PROS1: variants seen among roughly 807,000 people sequenced by gnomAD.
PROS1 encodes protein S.
A neutral mutation model predicts 75.9 loss-of-function variants in PROS1; 29 were observed. The observed-to-expected ratio is 0.38, with a 90% CI of 0.28 to 0.52. PROS1 has a LOEUF of 0.52. Among genes scored for constraint, PROS1 ranks in the 20% least tolerant of loss-of-function variants. PROS1 has a pLI of 0.83. For missense variants in PROS1, 680 were observed against 810.3 expected (o/e 0.84, Z 1.95); for synonymous variants, 245 against 280.6 (o/e 0.87, Z 1.27).
chr3:93,970,043 C>A (rs1323102233), intron 1 of PROS1, among the ~76,000 whole-genome samples: 3 of 152,142 alleles, frequency 2.0e-5, no homozygotes, highest in Non-Finnish European at 2.9e-5. Flanking sequence ...CCAACTGTAA[C>A]CTAACCTTGA....
At chr3:93,953,326 C>T (rs561560529) in intron 1 of PROS1, among the ~76,000 whole-genome samples, 1 of 152,210 alleles carries the variant, frequency 6.6e-6, no homozygotes, top group Admixed American at 6.5e-5. Flanking sequence ...TGCAAAAATC[C>T]TCAATAAAAT....
chr3:93,930,678 G>C (rs1169049378), intron 1 of PROS1, among the ~76,000 whole-genome samples: 1 of 152,156 alleles, frequency 6.6e-6, no homozygotes, highest in Non-Finnish European at 1.5e-5. Flanking sequence ...AAATCACCCA[G>C]AATAGCCAAG....
intron 4 of PROS1, among the ~76,000 whole-genome samples, chr3:93,910,176 T>A (rs1449075210): frequency 6.6e-6 from 1 of 152,212 alleles, no homozygotes; most frequent in Non-Finnish European, 1.5e-5. Flanking sequence ...ATTAGGCCCC[T>A]TGTGAACTTC....
chr3:93,948,708 T>C (rs2107238910), intron 1 of PROS1, among the ~76,000 whole-genome samples: 1 of 152,344 alleles, frequency 6.6e-6, no homozygotes, highest in Non-Finnish European at 1.5e-5. Flanking sequence ...CTAAAGATTA[T>C]ATTTTAGTTC....
At chr3:93,899,447 A>G (rs1427949464) in intron 7 of PROS1, among the ~76,000 whole-genome samples, 1 of 152,174 alleles carries the variant, frequency 6.6e-6, no homozygotes, top group Non-Finnish European at 1.5e-5. Flanking sequence ...GCATATTATT[A>G]AAGTTATAGA....
At chr3:93,917,430 G>A (rs1405373975) in intron 3 of PROS1, among the ~76,000 whole-genome samples, 1 of 152,216 alleles carries the variant, frequency 6.6e-6, no homozygotes, top group Non-Finnish European at 1.5e-5. Flanking sequence ...CTCCCCAGTA[G>A]CTGTGAGAGG....
chr3:93,927,745 T>C (rs2107203638), intron 1 of PROS1, among the ~76,000 whole-genome samples: 1 of 150,880 alleles, frequency 6.6e-6, no homozygotes, highest in South Asian at 2.1e-4. Flanking sequence ...CTCACCTTCG[T>C]AATCCCAGCA....
At chr3:93,936,930 T>C (rs1403809043) in intron 1 of PROS1, among the ~76,000 whole-genome samples, 1 of 152,204 alleles carries the variant, frequency 6.6e-6, no homozygotes, top group Non-Finnish European at 1.5e-5. Context: ...TTAAAAAATA[T>C]ACAAATTGAC....
intron 14 of PROS1, among the ~76,000 whole-genome samples, chr3:93,875,021 C>A (rs2107120869): frequency 6.6e-6 from 1 of 152,070 alleles, no homozygotes. Context: ...AATGGATATT[C>A]TTTAGCCCTT....
intron 6 of PROS1, among the ~76,000 whole-genome samples, chr3:93,904,389 C>A (rs1708643401): frequency 6.6e-6 from 1 of 152,120 alleles, no homozygotes; most frequent in Non-Finnish European, 1.5e-5. Flanking sequence ...AAGAAAGATA[C>A]ATGATCACAA....
intron 1 of PROS1, among the ~76,000 whole-genome samples, chr3:93,928,960 A>G (rs1709066810): frequency 6.6e-6 from 1 of 152,200 alleles, no homozygotes; most frequent in African/African-American, 2.4e-5. Context: ...TATTGGTGAG[A>G]GTAAGGGAAA....
At chr3:93,965,414 G>T (rs1247937380) in intron 1 of PROS1, among the ~76,000 whole-genome samples, 1 of 152,196 alleles carries the variant, frequency 6.6e-6, no homozygotes, top group East Asian at 1.9e-4. Context: ...CATTGTTCCT[G>T]CATGGCTAAG....
In PROS1 at chr3:93,973,759, C is replaced by A. The variant is rs1411458425; in HGVS notation, c.-10G>T. 2 of 1,609,102 alleles carry A rather than the reference C, an allele frequency of 1.2e-6. No homozygotes were observed. The highest frequency in any genetic ancestry group is 1.7e-5 in the Admixed American group (1 of 59,486). ...CACCCAGGACCCTCATTTCGAAGCG[C>A]GCGGAGGCGCCGGCAGGGACGGTGG... On this transcript the variant is annotated 5_prime_UTR_variant, in exon 1 of 15. Transcript: ENST00000394236.
At chr3:93,956,955 A>G (rs1454387964) in intron 1 of PROS1, among the ~76,000 whole-genome samples, 2 of 152,200 alleles carry the variant, frequency 1.3e-5, no homozygotes, top group Non-Finnish European at 2.9e-5. Context: ...CACACTATAT[A>G]GACATTCAGC....
rs746799331 is a variant in PROS1 at position 93,893,108 on chromosome 3, A to T, written c.980T>A (p.Phe327Tyr). 58 of 1,612,808 alleles carry T rather than the reference A, an allele frequency of 3.6e-5. No homozygotes were observed. Among genetic ancestry groups the T allele is most frequent in the Non-Finnish European group, 4.7e-5 (56 of 1,179,208 alleles). ...LPEISRFSAEFDFRTYDSEGV... is the reference protein window; with the variant it reads ...LPEISRFSAEYDFRTYDSEGV... ...TTCTGAATCATATGTCCGGAAATCA[A>T]ATTCTGCTGAAAATCTAAACAATGG... The change falls in exon 10 of 15, where the codon TTT becomes TAT. Residue 327 changes from phenylalanine (F) to tyrosine (Y), a missense_variant. Phe to Tyr is a conservative substitution (Grantham distance 22). Coordinates refer to ENST00000394236, the MANE Select transcript of PROS1 (RefSeq NM_000313.4).
Position 93,896,524 on chromosome 3 carries a change from CT to C in PROS1, c.965+51del, listed in dbSNP as rs1251159481. ...TCAAACCTTTTCGGCCACTTTTCTTCTGCCCTTATCTGCTTAACCTCTAGAA... is the reference window on the plus strand; with the variant it reads ...TCAAACCTTTTCGGCCACTTTTCTTCGCCCTTATCTGCTTAACCTCTAGAA... On this transcript the variant is annotated intron_variant, in intron 9 of 14. Coordinates refer to ENST00000394236, the MANE Select transcript of PROS1 (RefSeq NM_000313.4). 2.2e-6 allele frequency: 3 copies of C among 1,359,204 alleles called. No homozygotes were observed. The African/African-American group carries it at 4.3e-5, about 20-fold the overall frequency. 84.2% of individuals were successfully genotyped at this position (1,359,204 alleles called of 1,614,324 possible).
chr3:93,920,880 G>A (rs527495089), intron 3 of PROS1, among the ~76,000 whole-genome samples: 2 of 151,922 alleles, frequency 1.3e-5, no homozygotes, highest in African/African-American at 4.8e-5. Context: ...ATTACCTTAT[G>A]CATTATTAAT....
At chr3:93,897,333 GC>G (rs1408063206) in intron 8 of PROS1, among the ~76,000 whole-genome samples, 1 of 150,832 alleles carries the variant, frequency 6.6e-6, no homozygotes, top group Non-Finnish European at 1.5e-5. Context: ...AAAATGAAAA[GC>G]TTTTAACATA....
Position 93,893,073 on chromosome 3 carries a change from G to C in PROS1, c.1015C>G (p.Leu339Val), listed in dbSNP as rs775553965. Residue 339 changes from leucine to valine, a missense_variant, in exon 10 of 15, where the codon CTG becomes GTG. Physicochemically the swap from Leu to Val is conservative, Grantham distance 32 (BLOSUM62 1). Coordinates refer to ENST00000394236, the MANE Select transcript of PROS1 (RefSeq NM_000313.4). Reference sequence around the variant, plus strand: ...GAGTGATCGATAGATTCTGCGTACAGTATCACGCCTTCTGAATCATATGTC... The same window carrying C: ...GAGTGATCGATAGATTCTGCGTACACTATCACGCCTTCTGAATCATATGTC... ...FRTYDSEGVI[L>V]YAESIDHSAW... 6 of 1,614,092 alleles carry C rather than the reference G, an allele frequency of 3.7e-6. No homozygotes were observed. The South Asian group carries it at 4.4e-5, about 12-fold the overall frequency.
Sources: allele counts gnomAD v4.1 joint callset (sites outside exome capture counted in the v4.1 genomes callset), GRCh38; gene constraint gnomAD v4.1.1; transcripts MANE v1.5; gene names NCBI Gene and HGNC (gene_info 2026-07-23, HGNC 2026-07-21).